Variants in CLNK observed in about 807,000 individuals in gnomAD.
CLNK encodes cytokine dependent hematopoietic cell linker.
Under a neutral mutation model 68.6 loss-of-function variants are expected in CLNK, and 74 were observed. That is an observed-to-expected ratio of 1.08 (90% confidence interval 0.89 to 1.31). The LOEUF is 1.31. Among genes scored for constraint, CLNK ranks in the 50% most tolerant of loss-of-function variants. CLNK has a pLI of 0.00. For missense variants in CLNK, 553 were observed against 515.3 expected (o/e 1.07, Z -0.71); for synonymous variants, 198 against 172.2 (o/e 1.15, Z -1.17).
intron 2 of CLNK, among the ~76,000 whole-genome samples, chr4:10,616,424 C>T (rs1321692819): frequency 6.6e-6 from 1 of 152,212 alleles, no homozygotes; most frequent in East Asian, 1.9e-4. Flanking sequence ...CAAAATAGGA[C>T]ATATTCTTCC....
At chr4:10,604,584 T>C (rs1369318795) in intron 2 of CLNK, among the ~76,000 whole-genome samples, 1 of 145,290 alleles carries the variant, frequency 6.9e-6, no homozygotes, top group Admixed American at 6.9e-5. Flanking sequence ...TGTCACAGCT[T>C]TTTTTTTTTT....
the CLNK span, among the ~76,000 whole-genome samples, chr4:10,717,174 A>G: frequency 6.6e-6 from 1 of 152,222 alleles, no homozygotes; most frequent in South Asian, 2.1e-4. Flanking sequence ...CCTCCTTGCC[A>G]GGCAATAAAA....
At chr4:10,532,104 T>G in intron 12 of CLNK, 152 bp downstream of exon 12, 1 of 710,036 alleles carries the variant, frequency 1.4e-6, no homozygotes, top group Non-Finnish European at 2.5e-6. Context: ...TTTGGCTTTC[T>G]TATCTTTAAA....
chr4:10,708,577 G>A, the CLNK span, among the ~76,000 whole-genome samples: 2 of 152,094 alleles, frequency 1.3e-5, no homozygotes, highest in African/African-American at 4.8e-5. Flanking sequence ...AGGGCTTACA[G>A]GGCATCATGG....
intron 8 of CLNK, among the ~76,000 whole-genome samples, chr4:10,549,924 AC>A (rs1049885922): frequency 3.9e-5 from 6 of 152,206 alleles, no homozygotes; most frequent in Non-Finnish European, 8.8e-5. Context: ...TCACAAAGTT[AC>A]TGCTTTTGGG....
At chr4:10,617,773 T>A (rs1722292749) in intron 2 of CLNK, among the ~76,000 whole-genome samples, 1 of 152,234 alleles carries the variant, frequency 6.6e-6, no homozygotes, top group Non-Finnish European at 1.5e-5. Flanking sequence ...TTTGGCAGGC[T>A]CATTTTGTGG....
intron 1 of CLNK, 116 bp from the exon 2 acceptor site, chr4:10,668,027 T>C (rs1182897687): frequency 6.0e-6 from 3 of 502,116 alleles, no homozygotes; most frequent in Admixed American, 7.8e-5. Flanking sequence ...TTAAAGGAAA[T>C]GACAGAAAGA....
In CLNK at chr4:10,501,392, C is replaced by T. The variant is rs550250842; in HGVS notation, c.1004G>A (p.Arg335Gln). The T allele has an allele frequency of 5.1e-5, 82 of 1,609,940 alleles. No individual in the cohort carries two copies. The South Asian group carries it at 7.8e-4, about 15-fold the overall frequency. ...KENKDGSFLV[R>Q]DCSTKSKEEP... ...TTCCTTGGATTTTGTGGAACAATCT[C>T]GGACCAAGAAACTACCATCCTGAAG... The change falls in exon 18 of 19, where the codon CGA becomes CAA. Residue 335 changes from arginine to glutamine, a missense_variant. Arg to Gln is a conservative substitution (Grantham distance 43). Coordinates refer to ENST00000226951, the MANE Select transcript of CLNK (RefSeq NM_052964.4).
chr4:10,677,917 G>T (rs80158927), intron 1 of CLNK, among the ~76,000 whole-genome samples: 3 of 151,872 alleles, frequency 2.0e-5, no homozygotes, highest in Admixed American at 6.6e-5. Context: ...TTTAGTTTCC[G>T]TTATACAGCA....
chr4:10,656,749 G>T (rs1412166053), intron 2 of CLNK, among the ~76,000 whole-genome samples: 1 of 152,174 alleles, frequency 6.6e-6, no homozygotes, highest in African/African-American at 2.4e-5. Context: ...TTTAGGACAT[G>T]TAAACTGGAT....
chr4:10,618,899 T>G (rs866756936), intron 2 of CLNK, among the ~76,000 whole-genome samples: 2 of 152,194 alleles, frequency 1.3e-5, no homozygotes, highest in African/African-American at 4.8e-5. Context: ...AGGCCCCACT[T>G]CCAGCACTGG....
intron 5 of CLNK, among the ~76,000 whole-genome samples, chr4:10,571,350 T>C (rs1310107968): frequency 1.2e-5 from 1 of 84,992 alleles, no homozygotes; most frequent in East Asian, 4.4e-4. Context: ...TTTTTTTTTT[T>C]TGAGACAGAG....
intron 2 of CLNK, chr4:10,598,679 C>T (rs1455261186): frequency 2.2e-6 from 1 of 445,886 alleles, no homozygotes; most frequent in East Asian, 7.3e-5. Context: ...TGCTAACATT[C>T]ATTAAATACA....
chr4:10,504,282 G>C (rs1396153666), intron 17 of CLNK, among the ~76,000 whole-genome samples: 3 of 151,714 alleles, frequency 2.0e-5, no homozygotes, highest in Admixed American at 6.6e-5. Flanking sequence ...CACCACGCCC[G>C]GCTAACTTTT....
chr4:10,511,607 G>T (rs12501517), intron 16 of CLNK, among the ~76,000 whole-genome samples: 27,168 of 152,014 alleles, frequency 0.18, 2,886 homozygotes, highest in East Asian at 0.36. Flanking sequence ...TGTATTCCTG[G>T]AATCATATAT....
At chr4:10,664,044 C>A (rs559484250) in intron 2 of CLNK, among the ~76,000 whole-genome samples, 1 of 152,104 alleles carries the variant, frequency 6.6e-6, no homozygotes, top group African/African-American at 2.4e-5. Context: ...CCTGAGTTAC[C>A]CAGTCTGAGC....
At chr4:10,511,751 T>C (rs2109036656) in intron 16 of CLNK, among the ~76,000 whole-genome samples, 1 of 152,366 alleles carries the variant, frequency 6.6e-6, no homozygotes, top group East Asian at 1.9e-4. Flanking sequence ...CCATTCTGTT[T>C]ATCCATTCAT....
intron 1 of CLNK, among the ~76,000 whole-genome samples, chr4:10,678,517 C>A (rs1168055204): frequency 6.6e-6 from 1 of 151,736 alleles, no homozygotes; most frequent in African/African-American, 2.4e-5. Flanking sequence ...TGTAAGACAC[C>A]CAAGGCTTTG....
intron 8 of CLNK, among the ~76,000 whole-genome samples, chr4:10,544,570 T>C (rs1378592922): frequency 6.6e-6 from 1 of 152,070 alleles, no homozygotes; most frequent in African/African-American, 2.4e-5. Flanking sequence ...TGTTTTAGGC[T>C]GGTCTGAGGA....
Sources: allele counts gnomAD v4.1 joint callset (sites outside exome capture counted in the v4.1 genomes callset), GRCh38; gene constraint gnomAD v4.1.1; transcripts MANE v1.5; gene names NCBI Gene and HGNC (gene_info 2026-07-23, HGNC 2026-07-21).